SLC44A1: variants seen among roughly 807,000 people sequenced by gnomAD.
SLC44A1 encodes the protein choline transporter-like protein 1.
SLC44A1 carries 26 observed loss-of-function variants against 79.3 expected under a neutral mutation model. That is an observed-to-expected ratio of 0.33 (90% CI 0.24 to 0.46). The LOEUF (loss-of-function observed/expected upper bound fraction) is 0.46. Ranked by LOEUF, SLC44A1 falls within the 20% of genes least tolerant of loss-of-function variation. The probability of loss-of-function intolerance (pLI) is 1.00; values close to 1 mark genes in which losing one functional copy is unlikely to be tolerated. For synonymous variants in SLC44A1, 263 were observed against 286.2 expected, an observed-to-expected ratio of 0.92 and a Z score of 0.82; for missense variants, 688 against 798.1, an observed-to-expected ratio of 0.86 and a Z score of 1.66.
At chr9:105,378,407 TTTTTA>T (rs1828361434) in intron 13 of SLC44A1, among the ~76,000 whole-genome samples, 1 of 152,206 alleles carries the variant, frequency 6.6e-6, no homozygotes, top group Non-Finnish European at 1.5e-5. Flanking sequence ...GGTTTTCTGT[TTTTTA>T]CAGTTGAGCT....
chr9:105,338,640 C>T (rs1826996103), intron 4 of SLC44A1, among the ~76,000 whole-genome samples: 1 of 152,172 alleles, frequency 6.6e-6, no homozygotes. Context: ...TGTCAAACTC[C>T]TAGCCTTAAG....
At chr9:105,369,346 T>A (rs1828033112) in intron 12 of SLC44A1, among the ~76,000 whole-genome samples, 1 of 152,176 alleles carries the variant, frequency 6.6e-6, no homozygotes, top group Non-Finnish European at 1.5e-5. Context: ...TGTTTCCTGG[T>A]TCAGAGATGG....
At chr9:105,379,139 G>C (rs931870937) in intron 13 of SLC44A1, among the ~76,000 whole-genome samples, 7 of 152,182 alleles carry the variant, frequency 4.6e-5, no homozygotes, top group Non-Finnish European at 8.8e-5. Context: ...TTCCTGGCAT[G>C]GTGGGGTGCG....
chr9:105,261,743 G>A (rs1180324669), intron 1 of SLC44A1, among the ~76,000 whole-genome samples: 2 of 150,806 alleles, frequency 1.3e-5, no homozygotes, highest in Non-Finnish European at 3.0e-5. Context: ...CAGTGTGCCA[G>A]AGCCCAGCTG....
chr9:105,421,867 G>A (rs1413217532), intron 15 of SLC44A1, among the ~76,000 whole-genome samples: 2 of 152,202 alleles, frequency 1.3e-5, no homozygotes, highest in Non-Finnish European at 2.9e-5. Flanking sequence ...GATTACAGGC[G>A]TGAGCCACCG....
intron 12 of SLC44A1, among the ~76,000 whole-genome samples, chr9:105,368,099 T>G (rs898078144): frequency 2.0e-5 from 3 of 152,030 alleles, no homozygotes; most frequent in African/African-American, 7.2e-5. Flanking sequence ...TCATATGATA[T>G]CAAGATAGTC....
At chr9:105,374,307 T>G (rs1298541947) in intron 12 of SLC44A1, among the ~76,000 whole-genome samples, 2 of 152,218 alleles carry the variant, frequency 1.3e-5, no homozygotes, top group Non-Finnish European at 2.9e-5. Context: ...TTATGTTTGA[T>G]TTACTAAAAC....
chr9:105,397,711 G>C (rs1051120986), downstream of SLC44A1, among the ~76,000 whole-genome samples: 2 of 152,120 alleles, frequency 1.3e-5, no homozygotes, highest in Non-Finnish European at 2.9e-5. Flanking sequence ...TTGGGAGGCC[G>C]AGGCGGACAG....
At chr9:105,277,534 G>A (rs543180344) in intron 1 of SLC44A1, among the ~76,000 whole-genome samples, 43 of 152,286 alleles carry the variant, frequency 2.8e-4, no homozygotes, top group Non-Finnish European at 5.7e-4. Context: ...GGAGCCAAAT[G>A]TTTCTGCTGC....
downstream of SLC44A1, among the ~76,000 whole-genome samples, chr9:105,398,915 C>CT (rs1356897048): frequency 6.6e-6 from 1 of 152,170 alleles, no homozygotes; most frequent in Non-Finnish European, 1.5e-5. Context: ...TACGCTAACA[C>CT]TAACCATAGC....
At chr9:105,276,446 A>C (rs1379578275) in intron 1 of SLC44A1, among the ~76,000 whole-genome samples, 3 of 152,164 alleles carry the variant, frequency 2.0e-5, no homozygotes, top group African/African-American at 7.2e-5. Flanking sequence ...AGCAAAGAAC[A>C]CCAAGCTTAC....
At chr9:105,430,391 T>C (rs918242276) in intron 15 of SLC44A1, among the ~76,000 whole-genome samples, 2 of 152,212 alleles carry the variant, frequency 1.3e-5, no homozygotes, top group Non-Finnish European at 2.9e-5. Context: ...GAACATTTCA[T>C]TGGCCCAAAG....
Position 105,438,285 on chromosome 9 carries a change from A to C in SLC44A1, c.1955A>C (p.Lys652Thr), listed in dbSNP as rs746051338. Residue 652 changes from lysine (K) to threonine (T), a missense_variant, in exon 16 of 16, where the codon AAG becomes ACG. Physicochemically the swap from Lys to Thr is moderately conservative, Grantham distance 78 (BLOSUM62 -1). Transcript: ENST00000374724. ...TTTCTTGATGTGTTTTTTCAGCTGA[A>C]GAAAAGGTGACTGGTCTCATGAGCC... The C allele has an allele frequency of 4.5e-6, 7 of 1,550,376 alleles. No individual in the cohort carries two copies. The African/African-American group carries it at 9.6e-5, about 21-fold the overall frequency.
In SLC44A1 at chr9:105,348,368, A is replaced by T; in HGVS notation, c.417A>T (p.Leu139=). 1 of 1,600,278 alleles carries T rather than the reference A, an allele frequency of 6.2e-7. No individual in the cohort carries two copies. Among genetic ancestry groups the T allele is most frequent in the Non-Finnish European group, 8.6e-7 (1 of 1,168,290 alleles). ...QKFAEINGSA[L]CSYNLKPSEY... ...TTTTTCTTTCAACAGGTTCAGCCCT[A>T]TGTAGCTACAACCTAAAGCCTTCTG... is the stretch of plus-strand genomic sequence containing the variant. Residue 139 remains leucine, a synonymous_variant, in exon 5 of 16, where the codon CTA becomes CTT. Coordinates refer to ENST00000374720, the MANE Select transcript of SLC44A1 (RefSeq NM_080546.5).
In SLC44A1 at chr9:105,394,998, G is replaced by A. The variant is rs966919873; in HGVS notation, c.*5942G>A. ...TAAGGGTGCTGCATCTACATGGAAGGCTCCCTGGGCCCTTGAAAAAGCAGG... is the reference window on the plus strand; with the variant it reads ...TAAGGGTGCTGCATCTACATGGAAGACTCCCTGGGCCCTTGAAAAAGCAGG... On this transcript the variant is annotated 3_prime_UTR_variant, in exon 16 of 16. Transcript: ENST00000374720. The A allele has an allele frequency of 1.0e-6, 1 of 985,386 alleles. No homozygotes were observed. Among genetic ancestry groups the A allele is most frequent in the Non-Finnish European group, 1.2e-6 (1 of 829,954 alleles). 61.0% of individuals were successfully genotyped at this position (985,386 alleles called of 1,614,324 possible). A position where few individuals can be genotyped will look rare whatever the true frequency, so the allele number is the denominator to read the frequency against.
Position 105,391,480 on chromosome 9 carries a change from G to A in SLC44A1, c.*2424G>A. ...TTAATTGCCAGGCTGTTTTCCTTAA[G>A]TAAATTCATGTGCCGTGTAGAAATA... On this transcript the variant is annotated 3_prime_UTR_variant, in exon 16 of 16. Transcript: ENST00000374720. The A allele has an allele frequency of 1.0e-6, 1 of 985,700 alleles. No homozygotes were observed. The highest frequency in any genetic ancestry group is 1.2e-6 in the Non-Finnish European group (1 of 829,872). 61.1% of individuals were successfully genotyped at this position (985,700 alleles called of 1,614,324 possible).
At chr9:105,419,040 T>G (rs1829210566) in intron 15 of SLC44A1, among the ~76,000 whole-genome samples, 1 of 152,088 alleles carries the variant, frequency 6.6e-6, no homozygotes, top group Admixed American at 6.6e-5. Context: ...TGAACAAAAT[T>G]TGGCAGTGAA....
At chr9:105,246,961 G>A (rs191324766) in intron 1 of SLC44A1, among the ~76,000 whole-genome samples, 1 of 152,142 alleles carries the variant, frequency 6.6e-6, no homozygotes, top group East Asian at 1.9e-4. Flanking sequence ...ATGCACCCAA[G>A]GGGTGCATTT....
intron 15 of SLC44A1, among the ~76,000 whole-genome samples, chr9:105,388,020 T>C (rs1006622608): frequency 1.1e-4 from 16 of 152,320 alleles, no homozygotes; most frequent in South Asian, 8.3e-4. Context: ...CATCAGTTCA[T>C]TGCTTGCAGA....
Sources: gnomAD v4.1 joint callset for allele counts (sites outside exome capture counted in the v4.1 genomes callset) on GRCh38, gnomAD v4.1.1 for gene constraint, MANE v1.5 for transcripts, NCBI Gene and HGNC (gene_info 2026-07-23, HGNC 2026-07-21) for gene names.